XDH: variants seen among roughly 807,000 people sequenced by gnomAD.
The protein encoded by XDH is xanthine dehydrogenase.
A neutral mutation model predicts 156.1 loss-of-function variants in XDH; 138 were observed. The observed-to-expected ratio is 0.88, with a 90% confidence interval of 0.77 to 1.02. XDH has a LOEUF of 1.02. Among genes scored for constraint, XDH ranks in the 50% least tolerant of loss-of-function variants. XDH has a pLI of 0.00. For synonymous variants in XDH, 669 were observed against 625.7 expected, an observed-to-expected ratio of 1.07 and a Z score of -1.03; for missense variants, 1,849 against 1,684.9, an observed-to-expected ratio of 1.10 and a Z score of -1.71.
Position 31,350,186 on chromosome 2 carries a change from T to G in XDH, c.2669A>C (p.Tyr890Ser). 1.2e-6 allele frequency: 2 copies of G among 1,614,166 alleles called. No individual in the cohort carries two copies. Among genetic ancestry groups the G allele is most frequent in the Non-Finnish European group, 1.7e-6 (2 of 1,180,040 alleles). The stretch of plus-strand genomic sequence containing the variant: ...AGTGCCCCGGATGTTGGGGATTTTA[T>G]AGCAGTTGTCCATGTGGAATAAAGC... ...ERALFHMDNC[Y>S]KIPNIRGTGR... The change falls in exon 25 of 36, where the codon TAT (tyrosine) becomes TCT (serine). Residue 890 changes from tyrosine (Y) to serine (S), a missense_variant. Tyr to Ser is a moderately radical substitution (Grantham distance 144). Coordinates refer to ENST00000379416, the MANE Select transcript of XDH (RefSeq NM_000379.4).
At chr2:31,380,444 G>T (rs45541136) in intron 12 of XDH, among the ~76,000 whole-genome samples, 344 of 152,328 alleles carry the variant, frequency 2.3e-3, no homozygotes, top group African/African-American at 8.0e-3. Flanking sequence ...ACAATCAATA[G>T]TTTATGCTGA....
At chr2:31,411,468 G>A (rs920352713) in intron 1 of XDH, among the ~76,000 whole-genome samples, 2 of 151,968 alleles carry the variant, frequency 1.3e-5, no homozygotes, top group African/African-American at 4.8e-5. Flanking sequence ...ATCTGTGTGT[G>A]TGTCCAGAGT....
In XDH at chr2:31,386,505, C is replaced by T. The variant is rs755972186; in HGVS notation, c.702G>A (p.Val234=). The change falls in exon 9 of 36, where the codon GTG becomes GTA. Residue 234 remains valine, a synonymous_variant. Coordinates refer to ENST00000379416, the MANE Select transcript of XDH (RefSeq NM_000379.4). Reference sequence around the variant, plus strand: ...TGAGGGTTGAGGCCTGTATCCACGTCACACGCTCCCCTTCAAATCGCAGCT... The same window carrying T: ...TGAGGGTTGAGGCCTGTATCCACGTTACACGCTCCCCTTCAAATCGCAGCT... ...RKQLRFEGER[V]TWIQASTLKE... is the part of the protein sequence containing the mutation. The T allele has an allele frequency of 3.4e-5, 55 of 1,614,048 alleles. No individual in the cohort carries two copies. The highest frequency in any genetic ancestry group is 4.7e-5 in the Non-Finnish European group (55 of 1,180,026).
intron 15 of XDH, among the ~76,000 whole-genome samples, chr2:31,375,019 C>CCT (rs1686194979): frequency 9.9e-6 from 1 of 101,236 alleles, no homozygotes; most frequent in Non-Finnish European, 1.9e-5. Flanking sequence ...TTCTTTCTTT[C>CCT]TTTCTTTTTT....
rs114874527 is a variant in XDH, at chr2:31,366,858, A to G, written c.2322+12T>C. ...CCTGACAGCCCCTTGAGCTGACCCA[A>G]AAGGCATCTACCTGGGTCTTCATGG... is the stretch of plus-strand genomic sequence containing the variant. On this transcript the variant is annotated intron_variant, in intron 21 of 35. Transcript: ENST00000379416. 1 of 1,613,968 alleles carries G rather than the reference A, an allele frequency of 6.2e-7. No individual in the cohort carries two copies. Among genetic ancestry groups the G allele is most frequent in the African/African-American group, 1.3e-5 (1 of 75,048 alleles).
chr2:31,364,511 T>G (rs1366906141), intron 23 of XDH, among the ~76,000 whole-genome samples: 1 of 151,452 alleles, frequency 6.6e-6, no homozygotes, highest in South Asian at 2.1e-4. Flanking sequence ...TACCGGCACC[T>G]GGCTTCTGGT....
intron 20 of XDH, 128 bp from the exon 21 acceptor site, chr2:31,367,122 A>T: frequency 6.7e-7 from 1 of 1,485,072 alleles, no homozygotes; most frequent in Non-Finnish European, 9.2e-7. Context: ...GGTAACCTCA[A>T]GGTTTCCCAC....
At chr2:31,351,333 A>G (rs1274442148) in intron 24 of XDH, among the ~76,000 whole-genome samples, 1 of 152,144 alleles carries the variant, frequency 6.6e-6, no homozygotes, top group Non-Finnish European at 1.5e-5. Flanking sequence ...TACTAAGCCA[A>G]CTTAAAGTTT....
rs1238621323 is a variant in XDH, at chr2:31,398,680, T to C, written c.326A>G (p.His109Arg). ...GGTGCAGAACCCGCACTGGGAGCCG[T>C]GGCTTTTGGCAATTCTCTCCTAAAA... Reference protein sequence around the residue: ...HPVQERIAKSHGSQCGFCTPG... With the variant: ...HPVQERIAKSRGSQCGFCTPG... The change falls in exon 5 of 36, where the codon CAC (histidine) becomes CGC (arginine). Residue 109 changes from histidine to arginine, a missense_variant. By Grantham distance (29) the His-to-Arg change is conservative. Transcript: ENST00000379416. 1.9e-6 allele frequency: 3 copies of C among 1,613,908 alleles called. No homozygotes were observed. Among genetic ancestry groups the C allele is most frequent in the Middle Eastern group, 1.6e-4 (1 of 6,082 alleles).
chr2:31,341,297 TCTG>T, intron 33 of XDH, 29 bp downstream of exon 33: 1 of 1,553,644 alleles, frequency 6.4e-7, no homozygotes, highest in Non-Finnish European at 8.7e-7. Flanking sequence ...GGTGGCCAAG[TCTG>T]TCACCACCCT....
chr2:31,388,395 C>T (rs867009686), intron 6 of XDH, 100 bp from the exon 7 acceptor site: 14 of 1,345,474 alleles, frequency 1.0e-5, no homozygotes, highest in Middle Eastern at 3.6e-4. Context: ...CCAGCTCTGA[C>T]GCCTGTCCCA....
chr2:31,367,838 G>A, intron 20 of XDH, 123 bp downstream of exon 20: 1 of 958,218 alleles, frequency 1.0e-6, no homozygotes, highest in Non-Finnish European at 1.7e-6. Context: ...AACGTAAGAG[G>A]GAATCTTCTG....
At chr2:31,336,063 C>T in intron 35 of XDH, 55 bp from the exon 36 acceptor site, 1 of 1,577,222 alleles carries the variant, frequency 6.3e-7, no homozygotes, top group Non-Finnish European at 8.7e-7. Flanking sequence ...ATGCTCCTCC[C>T]ACTCTCTTGC....
chr2:31,339,346 C>T, intron 34 of XDH, 143 bp downstream of exon 34: 1 of 1,154,204 alleles, frequency 8.7e-7, no homozygotes, highest in South Asian at 1.3e-5. Flanking sequence ...CTGCCCCTAC[C>T]AAGGTCAGTG....
chr2:31,409,401 C>T (rs1687281766), intron 1 of XDH, among the ~76,000 whole-genome samples: 1 of 152,036 alleles, frequency 6.6e-6, no homozygotes, highest in African/African-American at 2.4e-5. Flanking sequence ...CTCATGTACC[C>T]CATAAATATG....
chr2:31,367,620 G>T (rs1572533882), intron 20 of XDH, among the ~76,000 whole-genome samples: 1 of 152,138 alleles, frequency 6.6e-6, no homozygotes, highest in African/African-American at 2.4e-5. Flanking sequence ...CTGCCTTCAG[G>T]TAGGGGGAGG....
At chr2:31,378,111 G>GAAAGAAAGAAAGAAAGA (rs1686310900) in intron 13 of XDH, among the ~76,000 whole-genome samples, 6 of 41,718 alleles carry the variant, frequency 1.4e-4, no homozygotes, top group East Asian at 7.7e-4. Flanking sequence ...AGAAAGAAAG[G>GAAAGAAAGAAAGAAAGA]AAGGAAGGAA....
chr2:31,381,384 C>T (rs914763853), intron 12 of XDH, among the ~76,000 whole-genome samples: 5 of 152,224 alleles, frequency 3.3e-5, no homozygotes, highest in Non-Finnish European at 7.3e-5. Context: ...TGAGCCAGTG[C>T]ATCCCAGCCC....
chr2:31,335,094 C>T lies in XDH; in HGVS notation c.*864G>A, dbSNP rs538881559. The T allele has an allele frequency of 2.6e-5, 4 of 152,184 alleles. No individual in the cohort carries two copies. The highest frequency in any genetic ancestry group is 6.5e-5 in the Admixed American group (1 of 15,270). The allele number at this position is 152,184 out of a possible 1,614,324, so 9.4% of individuals were successfully genotyped here. On this transcript the variant is annotated 3_prime_UTR_variant, in exon 36 of 36. Coordinates refer to ENST00000379416, the MANE Select transcript of XDH (RefSeq NM_000379.4). The stretch of plus-strand genomic sequence containing the variant: ...CTATGTTGCCCAGGCTGGTCTCAAA[C>T]TGCTGGGCTCAAGCAATTCTCCTGC...
Sources: gnomAD v4.1 joint callset for allele counts (sites outside exome capture counted in the v4.1 genomes callset) on GRCh38, gnomAD v4.1.1 for gene constraint, MANE v1.5 for transcripts, NCBI Gene and HGNC (gene_info 2026-07-23, HGNC 2026-07-21) for gene names.